Variants in CES5A observed in about 807,000 individuals in gnomAD.
CES5A encodes carboxylesterase 5.
CES5A carries 67 observed loss-of-function variants against 62.9 expected under a neutral mutation model. The ratio of observed to expected loss-of-function variants is 1.07; its 90% CI spans 0.88 to 1.31. CES5A has a LOEUF of 1.31. Ranked by LOEUF, CES5A falls within the 50% of genes most tolerant of loss-of-function variation. CES5A has a pLI of 0.00. For missense variants in CES5A, 748 were observed against 708.5 expected (o/e 1.06, Z -0.63); for synonymous variants, 296 against 280.8 (o/e 1.05, Z -0.54).
rs1190582301 is a variant in CES5A at position 55,903,100 on chromosome 16, CA to C, written c.-256+22222del. 4.6e-5 allele frequency among the ~76,000 whole-genome samples: 7 copies of C among 151,808 alleles called. No individual in the cohort carries two copies. In the East Asian group the frequency reaches 9.7e-4, roughly 21 times the overall value. On this transcript the variant is annotated intron_variant, in intron 1 of 12. Coordinates refer to the CES5A transcript ENST00000518005. ...TCCTTTTGGTTACAGAGTTCTAGAC[CA>C]GGACTCGTTAGTCTAAAGGGATGCA... is the stretch of plus-strand genomic sequence containing the variant.
chr16:55,854,544 C>CTTTTCTTTTTTTT lies in CES5A; in HGVS notation c.1126-1517_1126-1516insAAAAAAAAGAAAA, dbSNP rs750867515. Among the ~76,000 whole-genome samples, 11 of 64,424 alleles carry CTTTTCTTTTTTTT rather than the reference C, an allele frequency of 1.7e-4. 1 individual carries two copies. Among genetic ancestry groups the CTTTTCTTTTTTTT allele is most frequent in the Admixed American group, 1.2e-3 (5 of 4,260 alleles). 42.3% of individuals were successfully genotyped at this position (64,424 alleles called of 152,430 possible). On this transcript the variant is annotated intron_variant, in intron 9 of 12. Transcript: ENST00000290567. ...CCTGTAGTGTTTCTTTTTTTTTTTT[C>CTTTTCTTTTTTTT]TTTTTTTTTTTTTGAGACAGAGTCT...
chr16:55,890,749 C>A (rs1403327553), intron 1 of CES5A, among the ~76,000 whole-genome samples: 1 of 151,968 alleles, frequency 6.6e-6, no homozygotes, highest in Non-Finnish European at 1.5e-5. Flanking sequence ...TCCAAGGGGT[C>A]TGGGGAGTCA....
intron 1 of CES5A, among the ~76,000 whole-genome samples, chr16:55,954,406 T>G (rs957090532): frequency 6.6e-6 from 1 of 152,194 alleles, no homozygotes; most frequent in East Asian, 1.9e-4. Context: ...AAGCTTCTCA[T>G]AGTCGGTCCT....
chr16:55,941,190 G>T (rs897918608), intron 2 of CES5A, among the ~76,000 whole-genome samples: 1 of 152,076 alleles, frequency 6.6e-6, no homozygotes, highest in East Asian at 1.9e-4. Flanking sequence ...ATACAGACTA[G>T]AAAAGAAGAA....
At chr16:55,895,393 C>T (rs1458757931) in intron 1 of CES5A, among the ~76,000 whole-genome samples, 5 of 152,238 alleles carry the variant, frequency 3.3e-5, no homozygotes, top group South Asian at 2.1e-4. Context: ...CTGCCCAAAG[C>T]GTGGGAGCCC....
At chr16:55,931,088 G>T (rs2034306545) in intron 2 of CES5A, among the ~76,000 whole-genome samples, 1 of 152,256 alleles carries the variant, frequency 6.6e-6, no homozygotes, top group Non-Finnish European at 1.5e-5. Flanking sequence ...AGTTTTCCAA[G>T]GCCATACAGT....
intron 3 of CES5A, among the ~76,000 whole-genome samples, chr16:55,870,355 G>A (rs1482908546): frequency 5.9e-5 from 9 of 151,874 alleles, no homozygotes; most frequent in Non-Finnish European, 2.9e-5. Flanking sequence ...GGAGAAGGAG[G>A]AAGGAGGAAG....
chr16:55,953,745 T>TTA lies in CES5A; in HGVS notation c.42+2098_42+2099insTA, dbSNP rs1339502710. Among the ~76,000 whole-genome samples, 22 of 152,300 alleles carry TTA rather than the reference T, an allele frequency of 1.4e-4. No individual in the cohort carries two copies. In the East Asian group the frequency reaches 3.7e-3, roughly 25 times the overall value. ...CTTCAAATGGTATTTTATTTTAAAA[T>TTA]TCTTAATTATTATGGGACATAGTAG... On this transcript the variant is annotated intron_variant, in intron 1 of 13. Transcript: ENST00000521992.
At chr16:55,895,953 TGA>T (rs1285636469) in intron 1 of CES5A, among the ~76,000 whole-genome samples, 9 of 152,312 alleles carry the variant, frequency 5.9e-5, no homozygotes, top group African/African-American at 2.2e-4. Context: ...GATTAGTTCC[TGA>T]GAGAGAGGAG....
intron 4 of CES5A, among the ~76,000 whole-genome samples, chr16:55,866,758 A>AC (rs1211512289): frequency 6.6e-6 from 1 of 151,544 alleles, no homozygotes; most frequent in African/African-American, 2.4e-5. Flanking sequence ...GAATGGCTTG[A>AC]CCCCGGGAGG....
At chr16:55,950,133 T>C (rs1402698361) in intron 1 of CES5A, among the ~76,000 whole-genome samples, 2 of 151,882 alleles carry the variant, frequency 1.3e-5, no homozygotes, top group African/African-American at 4.8e-5. Context: ...CACATCCCAA[T>C]AGCACAAAGG....
chr16:55,865,921 C>T (rs2033447323), intron 5 of CES5A, 42 bp downstream of exon 5: 2 of 1,612,694 alleles, frequency 1.2e-6, no homozygotes, highest in African/African-American at 2.7e-5. Context: ...TTTGGAACCT[C>T]CGGCACTGAG....
At chr16:55,903,561 C>A (rs1567348085) in intron 1 of CES5A, among the ~76,000 whole-genome samples, 1 of 152,146 alleles carries the variant, frequency 6.6e-6, no homozygotes, top group Non-Finnish European at 1.5e-5. Flanking sequence ...ATCATTTTCC[C>A]AATCCACAGG....
chr16:55,914,146 T>A (rs1382129563), intron 1 of CES5A, among the ~76,000 whole-genome samples: 4 of 152,228 alleles, frequency 2.6e-5, no homozygotes, highest in African/African-American at 9.6e-5. Context: ...AAAGTTCAAC[T>A]TTTACAGGGC....
chr16:55,939,903 C>A (rs542311289), intron 2 of CES5A, among the ~76,000 whole-genome samples: 1 of 152,032 alleles, frequency 6.6e-6, no homozygotes, highest in South Asian at 2.1e-4. Flanking sequence ...ACATATTAAA[C>A]AACACACTTC....
At chr16:55,933,781 G>C (rs1251001848) in intron 2 of CES5A, among the ~76,000 whole-genome samples, 1 of 152,154 alleles carries the variant, frequency 6.6e-6, no homozygotes, top group Non-Finnish European at 1.5e-5. Flanking sequence ...ACAGCAGCCA[G>C]AGTGATTCTG....
chr16:55,949,934 C>T, intron 1 of CES5A: 1 of 986,406 alleles, frequency 1.0e-6, no homozygotes, highest in Middle Eastern at 2.2e-4. Flanking sequence ...TAATAATAAA[C>T]ATTGATGATA....
chr16:55,894,568 A>T (rs1324525256), intron 1 of CES5A, among the ~76,000 whole-genome samples: 1 of 152,050 alleles, frequency 6.6e-6, no homozygotes, highest in African/African-American at 2.4e-5. Context: ...TGTGGGTGAC[A>T]TCGAAGAAAA....
At chr16:55,873,487 C>G (rs138171650) in intron 2 of CES5A, among the ~76,000 whole-genome samples, 46 of 152,250 alleles carry the variant, frequency 3.0e-4, no homozygotes, top group Admixed American at 6.5e-4. Context: ...GACCAAAGGA[C>G]TCAGTACGCC....
Sources: gnomAD v4.1 joint callset for allele counts (sites outside exome capture counted in the v4.1 genomes callset) on GRCh38, gnomAD v4.1.1 for gene constraint, MANE v1.5 for transcripts, NCBI Gene and HGNC (gene_info 2026-07-23, HGNC 2026-07-21) for gene names.